ZNF341: variants seen among roughly 807,000 people sequenced by gnomAD.
The protein encoded by ZNF341 is zinc finger protein 341.
In ZNF341, 52 loss-of-function variants were observed where a neutral mutation model predicts 87.7. That is an observed-to-expected ratio of 0.59 (90% CI 0.47 to 0.75). The LOEUF (loss-of-function observed/expected upper bound fraction) is 0.75, where lower values mean the gene tolerates loss of function less well. ZNF341 is among the 30% of genes least tolerant of loss of function. ZNF341 has a pLI of 0.00. For synonymous variants in ZNF341, 459 were observed against 472.7 expected, an observed-to-expected ratio of 0.97 and a Z score of 0.38; for missense variants, 977 against 1,145.9, an observed-to-expected ratio of 0.85 and a Z score of 2.13.
chr20:33,752,342 A>G, intron 4 of ZNF341: 1 of 622,556 alleles, frequency 1.6e-6, no homozygotes, highest in Non-Finnish European at 3.1e-6. Flanking sequence ...AGCTTTGTTG[A>G]GGCTGGTATC....
intron 3 of ZNF341, among the ~76,000 whole-genome samples, chr20:33,747,641 AAC>A (rs2018960659): frequency 1.3e-5 from 2 of 148,434 alleles, no homozygotes; most frequent in Admixed American, 6.7e-5. Flanking sequence ...AAAAAAAAAA[AAC>A]ACAGTCATTT....
At chr20:33,752,209 G>A in intron 4 of ZNF341, 2 of 555,710 alleles carry the variant, frequency 3.6e-6, no homozygotes, top group South Asian at 1.4e-5. Context: ...TTTTGAAAGT[G>A]GTAACAGGTA....
At chr20:33,765,819 G>C (rs2019393173) in intron 8 of ZNF341, among the ~76,000 whole-genome samples, 1 of 152,182 alleles carries the variant, frequency 6.6e-6, no homozygotes, top group Non-Finnish European at 1.5e-5. Context: ...AGAGGCCCCT[G>C]ATGTCAAGGA....
intron 4 of ZNF341, among the ~76,000 whole-genome samples, chr20:33,750,830 A>G (rs991035656): frequency 5.9e-5 from 9 of 152,070 alleles, no homozygotes; most frequent in African/African-American, 1.9e-4. Context: ...TAGTAGAGAC[A>G]AGGTTTTGCC....
chr20:33,751,148 G>A (rs1023889696), intron 4 of ZNF341, among the ~76,000 whole-genome samples: 2 of 152,120 alleles, frequency 1.3e-5, no homozygotes, highest in African/African-American at 2.4e-5. Flanking sequence ...AAGTTTCTAT[G>A]TATAGACATG....
chr20:33,740,565 T>C (rs930189819), intron 1 of ZNF341, among the ~76,000 whole-genome samples: 1 of 152,088 alleles, frequency 6.6e-6, no homozygotes, highest in African/African-American at 2.4e-5. Flanking sequence ...AGTGAGGTGA[T>C]ATGATCATGG....
chr20:33,788,595 C>T, intron 12 of ZNF341: 1 of 476,288 alleles, frequency 2.1e-6, no homozygotes, highest in Non-Finnish European at 3.9e-6. Flanking sequence ...TTTGTACCTG[C>T]TTTCCCTGCT....
chr20:33,732,102 T>C lies in ZNF341; in HGVS notation c.31+50T>C, dbSNP rs1385336202. ...GGCGGCTGTTCCGCGCTGCGCCCCCTCCCGCCGCGCCCTCGCAGCGCCCGG... is the reference window on the plus strand; with the variant it reads ...GGCGGCTGTTCCGCGCTGCGCCCCCCCCCGCCGCGCCCTCGCAGCGCCCGG... On this transcript the variant is annotated intron_variant, in intron 1 of 14. Coordinates refer to ENST00000375200, the MANE Select transcript of ZNF341 (RefSeq NM_001282933.2). The surrounding 1 kb of genome is among the most constrained non-coding windows in gnomAD (Gnocchi z 4.5). 1.7e-6 allele frequency: 2 copies of C among 1,161,718 alleles called. No homozygotes were observed. Among genetic ancestry groups the C allele is most frequent in the Non-Finnish European group, 2.1e-6 (2 of 943,196 alleles). The allele number at this position is 1,161,718 out of a possible 1,614,324, so 72.0% of individuals were successfully genotyped here. A position where few individuals can be genotyped will look rare whatever the true frequency, so the allele number is the denominator to read the frequency against.
chr20:33,791,033 G>A lies in ZNF341; in HGVS notation c.2081G>A (p.Arg694His), dbSNP rs1262423525. The A allele has an allele frequency of 4.3e-6, 7 of 1,613,344 alleles. No homozygotes were observed. The highest frequency in any genetic ancestry group is 1.3e-5 in the African/African-American group (1 of 74,928). The change falls in exon 15 of 15, where the codon CGC (arginine) becomes CAC (histidine). Residue 694 changes from arginine to histidine, a missense_variant. Around this residue, in one of 3 missense-constraint regions of ZNF341, gnomAD observed 241 missense variants for 335.0 expected, o/e 0.72. Coordinates refer to ENST00000375200, the MANE Select transcript of ZNF341 (RefSeq NM_001282933.2). ...KCALCSKSFS[R>H]RAHLAEHQRA... ...GCCCTGTGCAGCAAGTCCTTCAGCC[G>A]CCGTGCCCACCTCGCCGAGCATCAG... is the stretch of plus-strand genomic sequence containing the variant.
intron 8 of ZNF341, among the ~76,000 whole-genome samples, chr20:33,764,159 G>T (rs2019349965): frequency 6.6e-6 from 1 of 150,794 alleles, no homozygotes; most frequent in Non-Finnish European, 1.5e-5. Context: ...CGAGTAGCTG[G>T]GACTACAGGC....
At chr20:33,753,459 T>C in intron 5 of ZNF341, 36 bp downstream of exon 5, 1 of 1,526,518 alleles carries the variant, frequency 6.6e-7, no homozygotes, top group Non-Finnish European at 8.8e-7. Flanking sequence ...AGGACACTGG[T>C]CATGGACATC....
In ZNF341 at chr20:33,789,494, C is replaced by G. The variant is rs764858820; in HGVS notation, c.1965-24C>G. On this transcript the variant is annotated intron_variant, in intron 13 of 14. Coordinates refer to ENST00000375200, the MANE Select transcript of ZNF341 (RefSeq NM_001282933.2). ...GGATCCTAAGCTTGGTGAGCTCCCC[C>G]TGACCAGTGGCTTTGGGTTTTAGGA... is the stretch of plus-strand genomic sequence containing the variant. The G allele has an allele frequency of 1.9e-5, 30 of 1,613,720 alleles. No individual in the cohort carries two copies. The East Asian group carries it at 2.0e-4, about 11-fold the overall frequency.
chr20:33,761,652 T>G (rs1264418773), intron 7 of ZNF341, among the ~76,000 whole-genome samples: 3 of 152,190 alleles, frequency 2.0e-5, no homozygotes, highest in African/African-American at 7.2e-5. Flanking sequence ...CAGGGTTTGT[T>G]GATGAGCAGC....
At position 33,783,830 on chromosome 20, in the gene ZNF341, G is replaced by A. The variant is rs896144938; in HGVS notation, c.1818G>A (p.Glu606=). The A allele has an allele frequency of 6.2e-7, 1 of 1,613,614 alleles. No individual in the cohort carries two copies. ...CQVCKKFFRR[E]HYLKLHAHIH... is the part of the protein sequence containing the mutation. ...TGTGCAAGAAGTTCTTCCGGCGGGAGCATTATCTCAAACTGCATGCTCACA... is the reference window on the plus strand; with the variant it reads ...TGTGCAAGAAGTTCTTCCGGCGGGAACATTATCTCAAACTGCATGCTCACA... The change falls in exon 12 of 15, where the codon GAG becomes GAA. Residue 606 remains glutamate (E), a synonymous_variant. Transcript: ENST00000375200.
chr20:33,742,945 G>A (rs138548682), intron 2 of ZNF341, among the ~76,000 whole-genome samples: 161 of 152,104 alleles, frequency 1.1e-3, no homozygotes, highest in African/African-American at 3.7e-3. Context: ...AGAAGGATAC[G>A]AGTTGAGAGT....
Position 33,750,585 on chromosome 20 carries a change from T to A in ZNF341, c.489+1513T>A, listed in dbSNP as rs143080251. On this transcript the variant is annotated intron_variant, in intron 4 of 14. Transcript: ENST00000375200. ...CTCAAGCAATCCTCCCTGCTCAGCC[T>A]CCTGAGGAGCTGGGACTACATACAT... Among the ~76,000 whole-genome samples the A allele has an allele frequency of 1.6e-3, 240 of 152,194 alleles. 1 individual carries two copies. Among genetic ancestry groups the A allele is most frequent in the African/African-American group, 5.5e-3 (227 of 41,534 alleles).
intron 12 of ZNF341, among the ~76,000 whole-genome samples, chr20:33,786,115 T>A (rs2019856410): frequency 6.8e-6 from 1 of 146,980 alleles, no homozygotes. Context: ...GCAATTCTCC[T>A]GCCTTAGCCT....
intron 3 of ZNF341, among the ~76,000 whole-genome samples, chr20:33,747,124 T>A (rs901946390): frequency 6.6e-6 from 1 of 151,996 alleles, no homozygotes; most frequent in Non-Finnish European, 1.5e-5. Flanking sequence ...GACTAAAGGA[T>A]CCCTCATAAA....
intron 10 of ZNF341, among the ~76,000 whole-genome samples, chr20:33,771,158 G>A (rs1375456668): frequency 1.3e-5 from 2 of 152,086 alleles, no homozygotes; most frequent in East Asian, 3.9e-4. Flanking sequence ...ACGGTAACAT[G>A]TTTAAAAGCA....
Sources: allele counts gnomAD v4.1 joint callset (sites outside exome capture counted in the v4.1 genomes callset), GRCh38; gene constraint gnomAD v4.1.1; regional missense constraint gnomAD v4.1.1; non-coding constraint Gnocchi (gnomAD v3.1); transcripts MANE v1.5; gene names NCBI Gene and HGNC (gene_info 2026-07-23, HGNC 2026-07-21).